The following DNER variants were observed in gnomAD, a reference collection of about 807,000 sequenced individuals.
DNER encodes delta/notch like EGF repeat containing.
In DNER, 33 loss-of-function variants were observed where a neutral mutation model predicts 78.2. The observed-to-expected ratio is 0.42, with a 90% CI of 0.32 to 0.56. The LOEUF is 0.56. DNER is among the 20% of genes least tolerant of loss of function. The pLI, the probability that DNER is intolerant of heterozygous loss-of-function variation, is 0.11. For synonymous variants in DNER, 417 were observed against 384.8 expected (o/e 1.08, Z -0.98); for missense variants, 918 against 975.3 (o/e 0.94, Z 0.78).
At chr2:229,512,758 A>C (rs1244225307) in intron 6 of DNER, 25 bp downstream of exon 6, 3 of 1,613,668 alleles carry the variant, frequency 1.9e-6, no homozygotes, top group Non-Finnish European at 2.5e-6. Context: ...ACACCTAATA[A>C]CTGAACCATG....
chr2:229,389,600 A>AGT (rs1379974025), intron 10 of DNER, among the ~76,000 whole-genome samples: 1 of 152,216 alleles, frequency 6.6e-6, no homozygotes, highest in East Asian at 1.9e-4. Flanking sequence ...GCAATGTTTC[A>AGT]GTGTACACTC....
At chr2:229,622,473 T>C (rs1278054770) in intron 1 of DNER, among the ~76,000 whole-genome samples, 1 of 152,132 alleles carries the variant, frequency 6.6e-6, no homozygotes, top group African/African-American at 2.4e-5. Context: ...GAGTCTTTTC[T>C]GCCCTGCGGG....
At position 229,419,573 on chromosome 2, in the gene DNER, T is replaced by G. The variant is rs370264556; in HGVS notation, c.1487-1343A>C. ...TCTTGTGCCTATCATAAAAGTAGGT[T>G]AAGCTCATATTTGCATTATTAACAG... On this transcript the variant is annotated intron_variant, in intron 8 of 12. Coordinates refer to ENST00000341772, the MANE Select transcript of DNER (RefSeq NM_139072.4). Among the ~76,000 whole-genome samples the G allele has an allele frequency of 5.9e-5, 9 of 152,316 alleles. No homozygotes were observed. The South Asian group carries it at 6.2e-4, about 11-fold the overall frequency.
At chr2:229,526,499 A>G (rs1253795988) in intron 5 of DNER, among the ~76,000 whole-genome samples, 1 of 152,190 alleles carries the variant, frequency 6.6e-6, no homozygotes, top group Non-Finnish European at 1.5e-5. Flanking sequence ...GTTTCGCGGA[A>G]GACAATTTTT....
intron 8 of DNER, among the ~76,000 whole-genome samples, chr2:229,433,091 C>T (rs1399445168): frequency 1.3e-5 from 2 of 152,162 alleles, no homozygotes; most frequent in African/African-American, 4.8e-5. Flanking sequence ...AGGTGCCTGC[C>T]ACCGTACCTG....
At chr2:229,528,753 C>T (rs1696251740) in intron 5 of DNER, among the ~76,000 whole-genome samples, 1 of 152,178 alleles carries the variant, frequency 6.6e-6, no homozygotes, top group African/African-American at 2.4e-5. Flanking sequence ...AAGGCCTTCC[C>T]GTGCTTCTTA....
intron 8 of DNER, among the ~76,000 whole-genome samples, chr2:229,445,590 G>T (rs1694324123): frequency 6.6e-6 from 1 of 152,214 alleles, no homozygotes; most frequent in South Asian, 2.1e-4. Context: ...ATGTGCGTGG[G>T]CTGCATCCAA....
In DNER at chr2:229,512,798, A is replaced by C; in HGVS notation, c.1132T>G (p.Cys378Gly). 6.2e-7 allele frequency: 1 copy of C among 1,614,216 alleles called. No homozygotes were observed. The highest frequency in any genetic ancestry group is 8.5e-7 in the Non-Finnish European group (1 of 1,180,004). ...NEKQDGSNFT[C>G]VCLPGYTGEL... ...TGTGTCGTACCAGGAAGGCAAACAC[A>C]GGTGAAATTGCTCCCATCTTGCTTT... The change falls in exon 6 of 13, where the codon TGT (cysteine) becomes GGT (glycine). Residue 378 changes from cysteine to glycine, a missense_variant. By Grantham distance (159) the Cys-to-Gly change is radical. Coordinates refer to ENST00000341772, the MANE Select transcript of DNER (RefSeq NM_139072.4).
At chr2:229,486,580 A>C (rs904181387) in intron 6 of DNER, among the ~76,000 whole-genome samples, 2 of 152,148 alleles carry the variant, frequency 1.3e-5, no homozygotes, top group African/African-American at 4.8e-5. Context: ...TCCCTCATGG[A>C]GGAATTAAAG....
At chr2:229,689,707 G>T (rs1016878334) in intron 1 of DNER, among the ~76,000 whole-genome samples, 1 of 152,270 alleles carries the variant, frequency 6.6e-6, no homozygotes, top group South Asian at 2.1e-4. Flanking sequence ...CTCCCTGGCT[G>T]CAAGGAAAAA....
At chr2:229,443,441 T>C (rs907049206) in intron 8 of DNER, among the ~76,000 whole-genome samples, 2 of 152,198 alleles carry the variant, frequency 1.3e-5, no homozygotes, top group Non-Finnish European at 2.9e-5. Flanking sequence ...GATTTCAATT[T>C]GCAATTTTTA....
At chr2:229,597,093 ACACACACATGCACACACACATG>A (rs1431349083) in intron 1 of DNER, among the ~76,000 whole-genome samples, 3 of 61,778 alleles carry the variant, frequency 4.9e-5, no homozygotes, top group Non-Finnish European at 1.1e-4. Context: ...GCACACATGC[ACACACACATGCACACACACATG>A]CACACACACA....
chr2:229,619,954 A>G (rs1159807585), intron 1 of DNER, among the ~76,000 whole-genome samples: 1 of 152,210 alleles, frequency 6.6e-6, no homozygotes, highest in Non-Finnish European at 1.5e-5. Flanking sequence ...TTGTTTTTGA[A>G]CAAGGAAAAG....
At chr2:229,620,600 G>T (rs1698237417) in intron 1 of DNER, among the ~76,000 whole-genome samples, 1 of 152,202 alleles carries the variant, frequency 6.6e-6, no homozygotes, top group Admixed American at 6.5e-5. Context: ...GTTCTCTTTT[G>T]CTTTCCTGAT....
chr2:229,666,742 C>T (rs1378354390), intron 1 of DNER, among the ~76,000 whole-genome samples: 1 of 152,166 alleles, frequency 6.6e-6, no homozygotes, highest in Non-Finnish European at 1.5e-5. Context: ...AAACTGAGGG[C>T]ATAATATTAG....
Position 229,447,306 on chromosome 2 carries a change from C to T in DNER, c.1486+10G>A, listed in dbSNP as rs756495372. The T allele has an allele frequency of 1.8e-5, 29 of 1,584,224 alleles. No individual in the cohort carries two copies. The highest frequency in any genetic ancestry group is 2.5e-5 in the Non-Finnish European group (29 of 1,164,626). On this transcript the variant is annotated intron_variant, in intron 8 of 12. Transcript: ENST00000341772. ...AAAAGGAAGATGTACTGTGTAGGGG[C>T]GGTACCCACCTGGATCACAGAGGCA...
chr2:229,617,724 C>G (rs773881677), intron 1 of DNER, among the ~76,000 whole-genome samples: 5 of 152,188 alleles, frequency 3.3e-5, no homozygotes, highest in Non-Finnish European at 7.3e-5. Flanking sequence ...GAGGCCAACA[C>G]AGGAGGATCA....
intron 4 of DNER, among the ~76,000 whole-genome samples, chr2:229,577,015 A>C (rs1697314840): frequency 2.0e-5 from 3 of 152,174 alleles, no homozygotes; most frequent in African/African-American, 7.2e-5. Flanking sequence ...GACCTACCAC[A>C]GATGAAGCAG....
intron 8 of DNER, among the ~76,000 whole-genome samples, chr2:229,446,005 C>T (rs1371147055): frequency 6.6e-6 from 1 of 152,202 alleles, no homozygotes; most frequent in Non-Finnish European, 1.5e-5. Context: ...TTGAGTTATT[C>T]GTTGAGTATG....
Sources: allele counts gnomAD v4.1 joint callset (sites outside exome capture counted in the v4.1 genomes callset), GRCh38; gene constraint gnomAD v4.1.1; transcripts MANE v1.5; gene names NCBI Gene and HGNC (gene_info 2026-07-23, HGNC 2026-07-21).